The following SHPRH variants were observed in gnomAD, a reference collection of about 807,000 sequenced individuals.
The protein encoded by SHPRH is SNF2 histone linker PHD RING helicase.
A neutral mutation model predicts 202.5 loss-of-function variants in SHPRH; 106 were observed. The observed-to-expected ratio is 0.52, with a 90% CI of 0.45 to 0.62. The LOEUF (loss-of-function observed/expected upper bound fraction) is 0.62, where lower values mean the gene tolerates loss of function less well. Ranked by LOEUF, SHPRH falls within the 20% of genes least tolerant of loss-of-function variation. SHPRH has a pLI of 0.00. For missense variants in SHPRH, 1,710 were observed against 2,020.0 expected, an observed-to-expected ratio of 0.85 and a Z score of 2.94; for synonymous variants, 729 against 686.0, an observed-to-expected ratio of 1.06 and a Z score of -0.98.
At chr6:145,862,443 AAAC>A (rs1554219707), downstream of SHPRH, among the ~76,000 whole-genome samples, 2 of 110,908 alleles carry the variant, frequency 1.8e-5, no homozygotes, top group African/African-American at 8.0e-5. Context: ...CAAAACAAAA[AAAC>A]AAAAACAACA....
At chr6:145,947,179 A>C (rs1271786012) in intron 6 of SHPRH, among the ~76,000 whole-genome samples, 1 of 152,030 alleles carries the variant, frequency 6.6e-6, no homozygotes, top group Non-Finnish European at 1.5e-5. Flanking sequence ...TAATATGGAG[A>C]CTTTATTAGT....
chr6:145,877,991 T>G (rs1052504667), intron 2 of SHPRH: 7 of 152,202 alleles, frequency 4.6e-5, no homozygotes, highest in African/African-American at 1.4e-4. Flanking sequence ...CCCGACCACC[T>G]TGGGCACATG....
At chr6:145,893,156 C>G in intron 28 of SHPRH, 59 bp downstream of exon 28, 1 of 1,417,792 alleles carries the variant, frequency 7.1e-7, no homozygotes, top group Middle Eastern at 1.9e-4. Context: ...AGTTTAAATA[C>G]TGATTTGGTT....
In SHPRH at chr6:145,959,728, T is replaced by C. The variant is rs539198609; in HGVS notation, c.-33+4003A>G. On this transcript the variant is annotated intron_variant, in intron 1 of 29. Transcript: ENST00000275233. ...CACATAATTGCAAAAAGTCTATGTA[T>C]CAGACAGTGCTTGTTTAAGTCAATC... Among the ~76,000 whole-genome samples, 4 of 152,338 alleles carry C rather than the reference T, an allele frequency of 2.6e-5. No homozygotes were observed. In the South Asian group the frequency reaches 8.3e-4, roughly 32 times the overall value.
At chr6:145,860,389 A>G (rs1779540576), downstream of SHPRH, among the ~76,000 whole-genome samples, 2 of 152,010 alleles carry the variant, frequency 1.3e-5, no homozygotes, top group Admixed American at 1.3e-4. Context: ...AATTTAAAAA[A>G]TATTTATAAT....
Position 145,900,656 on chromosome 6 carries a change from T to C in SHPRH, c.4516-5679A>G, listed in dbSNP as rs372546360. Among the ~76,000 whole-genome samples, 5 of 152,228 alleles carry C rather than the reference T, an allele frequency of 3.3e-5. No individual in the cohort carries two copies. In the East Asian group the frequency reaches 5.8e-4, roughly 18 times the overall value. ...TTCATGGGGAGTTCTAGGATCCCCA[T>C]TGGATATCAAGATCTGCAGATGCTA... On this transcript the variant is annotated intron_variant, in intron 25 of 29. Coordinates refer to ENST00000275233, the MANE Select transcript of SHPRH (RefSeq NM_001042683.3).
At chr6:145,863,887 A>G (rs569297628), downstream of SHPRH, among the ~76,000 whole-genome samples, 155 of 152,356 alleles carry the variant, frequency 1.0e-3, no homozygotes, top group Middle Eastern at 6.8e-3. Flanking sequence ...ATATAAGTCA[A>G]TGAAGAATTA....
At chr6:145,938,640 G>A (rs1227596010) in intron 11 of SHPRH, among the ~76,000 whole-genome samples, 2 of 152,210 alleles carry the variant, frequency 1.3e-5, no homozygotes, top group Middle Eastern at 3.4e-3. Context: ...TATTTGTTAG[G>A]TACTGTGCTA....
chr6:145,909,453 T>A (rs1011312734), intron 25 of SHPRH: 1 of 152,096 alleles, frequency 6.6e-6, no homozygotes, highest in Non-Finnish European at 1.5e-5. Flanking sequence ...TAACTGATAT[T>A]TTCAGGTTTT....
chr6:145,895,323 CTCT>C (rs1238365791), intron 25 of SHPRH, among the ~76,000 whole-genome samples: 2 of 152,044 alleles, frequency 1.3e-5, no homozygotes, highest in African/African-American at 2.4e-5. Flanking sequence ...TTTTAAAACA[CTCT>C]TCATTTATTC....
At chr6:145,874,179 C>A (rs1780192905) in intron 2 of SHPRH, among the ~76,000 whole-genome samples, 1 of 151,264 alleles carries the variant, frequency 6.6e-6, no homozygotes, top group African/African-American at 2.4e-5. Context: ...GTCTGGGCAA[C>A]AAGAGTGAAA....
Position 145,922,718 on chromosome 6 carries a change from C to T in SHPRH, c.3664G>A (p.Val1222Ile). 1 of 1,612,142 alleles carries T rather than the reference C, an allele frequency of 6.2e-7. No homozygotes were observed. The highest frequency in any genetic ancestry group is 8.5e-7 in the Non-Finnish European group (1 of 1,178,836). Reference sequence around the variant, plus strand: ...TGACAGACTGTTGCAGACTCAATAACATTACGAGATGGAGGTCCCTCCAGG... The same window carrying T: ...TGACAGACTGTTGCAGACTCAATAATATTACGAGATGGAGGTCCCTCCAGG... ...KNLEGPPSRN[V>I]IESATVCHLR... The change falls in exon 19 of 30, where the codon GTT (valine) becomes ATT (isoleucine). Residue 1222 changes from valine to isoleucine, a missense_variant. Physicochemically the swap from Val to Ile is conservative, Grantham distance 29. Coordinates refer to ENST00000275233, the MANE Select transcript of SHPRH (RefSeq NM_001042683.3).
At position 145,941,553 on chromosome 6, in the gene SHPRH, T is replaced by C. The variant is rs1252414244; in HGVS notation, c.2490+70A>G. ...GTTAACTATGCTTAAACTATTAAAC[T>C]ACTCAAGGTCCCCTAATTCCTTTTC... is the stretch of plus-strand genomic sequence containing the variant. On this transcript the variant is annotated intron_variant, in intron 10 of 29. Coordinates refer to ENST00000275233, the MANE Select transcript of SHPRH (RefSeq NM_001042683.3). 5 of 1,577,772 alleles carry C rather than the reference T, an allele frequency of 3.2e-6. No individual in the cohort carries two copies. In the South Asian group the frequency reaches 4.7e-5, roughly 15 times the overall value.
chr6:145,915,206 T>C lies in SHPRH; in HGVS notation c.4255-1657A>G, dbSNP rs187186490. ...TAATACAATTATAATAAAATAAATT[T>C]TAATAAATTTAAATAAATTAAATTA... On this transcript the variant is annotated intron_variant, in intron 23 of 29. Transcript: ENST00000275233. Among the ~76,000 whole-genome samples the C allele has an allele frequency of 1.2e-3, 185 of 148,326 alleles. 1 individual carries two copies. The highest frequency in any genetic ancestry group is 4.3e-3 in the African/African-American group (178 of 40,984).
chr6:145,923,224 T>C lies in SHPRH; in HGVS notation c.3546-388A>G, dbSNP rs543362756. On this transcript the variant is annotated intron_variant, in intron 18 of 29. Coordinates refer to ENST00000275233, the MANE Select transcript of SHPRH (RefSeq NM_001042683.3). ...CAGGATGAAACATAAAAGCAGAATA[T>C]TGGGAAGAAAGAAGAAAAATGGCTA... 5.9e-5 allele frequency among the ~76,000 whole-genome samples: 9 copies of C among 151,794 alleles called. No individual in the cohort carries two copies. In the South Asian group the frequency reaches 1.5e-3, roughly 25 times the overall value.
In SHPRH at chr6:145,955,153, A is replaced by G; in HGVS notation, c.170T>C (p.Leu57Pro). The change falls in exon 2 of 30, where the codon CTA becomes CCA. Residue 57 changes from leucine (L) to proline (P), a missense_variant. By Grantham distance (98) the Leu-to-Pro change is moderately conservative. This residue lies in a region of SHPRH where 459 missense variants were observed against 426.5 expected (regional missense o/e 1.08). Coordinates refer to ENST00000275233, the MANE Select transcript of SHPRH (RefSeq NM_001042683.3). ...SDTSSAHYII[L>P]SDSLKEEVAH... ...CACTTCTTCCTTTAGACTATCACTT[A>G]GAATGATATAATGAGCAGAAGAGGT... The G allele has an allele frequency of 1.2e-6, 2 of 1,613,870 alleles. No homozygotes were observed. Among genetic ancestry groups the G allele is most frequent in the African/African-American group, 1.3e-5 (1 of 75,038 alleles).
chr6:145,926,073 G>T, intron 16 of SHPRH, 131 bp downstream of exon 16: 4 of 873,132 alleles, frequency 4.6e-6, no homozygotes, highest in Non-Finnish European at 5.2e-6. Context: ...AACAAAATTC[G>T]AAACATCAAA....
intron 19 of SHPRH, 94 bp from the exon 20 acceptor site, chr6:145,922,442 T>G (rs915332500): frequency 7.2e-7 from 1 of 1,390,608 alleles, no homozygotes; most frequent in Non-Finnish European, 9.7e-7. Flanking sequence ...TCATTTTTCT[T>G]TCCACTAGAT....
intron 23 of SHPRH, among the ~76,000 whole-genome samples, chr6:145,916,875 C>T (rs1181685125): frequency 6.6e-6 from 1 of 152,034 alleles, no homozygotes; most frequent in African/African-American, 2.4e-5. Flanking sequence ...CTCTGTCTCC[C>T]AGGTTCAAGC....
Sources: allele counts gnomAD v4.1 joint callset (sites outside exome capture counted in the v4.1 genomes callset), GRCh38; gene constraint gnomAD v4.1.1; regional missense constraint gnomAD v4.1.1; transcripts MANE v1.5; gene names NCBI Gene and HGNC (gene_info 2026-07-23, HGNC 2026-07-21).